CSMD1: variants seen among roughly 807,000 people sequenced by gnomAD.
The protein encoded by CSMD1 is CUB and Sushi multiple domains 1.
CSMD1 carries 213 observed loss-of-function variants against 417.5 expected under a neutral mutation model. The ratio of observed to expected loss-of-function variants is 0.51; its 90% confidence interval spans 0.46 to 0.57. The LOEUF (loss-of-function observed/expected upper bound fraction) is 0.57. Ranked by LOEUF, CSMD1 falls within the 20% of genes least tolerant of loss-of-function variation. The pLI, the probability that CSMD1 is intolerant of heterozygous loss-of-function variation, is 0.00. For synonymous variants in CSMD1, 2,862 were observed against 1,736.8 expected, an observed-to-expected ratio of 1.65 and a Z score of -16.11; for missense variants, 6,923 against 4,529.7, an observed-to-expected ratio of 1.53 and a Z score of -15.17.
chr8:4,803,860 T>C (rs1461118162), intron 1 of CSMD1, among the ~76,000 whole-genome samples: 1 of 152,188 alleles, frequency 6.6e-6, no homozygotes, highest in African/African-American at 2.4e-5. Context: ...TACATATTTT[T>C]TGTAAGAATT....
intron 5 of CSMD1, among the ~76,000 whole-genome samples, chr8:3,766,758 A>G (rs1798293667): frequency 6.6e-6 from 1 of 152,156 alleles, no homozygotes. Flanking sequence ...TTCTTTAGGA[A>G]TATCATTAAA....
chr8:3,819,511 G>C (rs995840926), intron 5 of CSMD1, among the ~76,000 whole-genome samples: 1 of 149,734 alleles, frequency 6.7e-6, no homozygotes, highest in Non-Finnish European at 1.5e-5. Context: ...GAATGCTGGA[G>C]CTCAAAAGCG....
intron 26 of CSMD1, among the ~76,000 whole-genome samples, chr8:3,268,044 G>C (rs1050394341): frequency 2.0e-5 from 3 of 152,046 alleles, no homozygotes; most frequent in Admixed American, 6.6e-5. Context: ...TATGAGGGAC[G>C]GGCCAATCTT....
rs1014119774 is a variant in CSMD1, at chr8:2,937,163, T to A, written c.*1422A>T. The A allele has an allele frequency of 2.0e-5, 3 of 152,214 alleles. No individual in the cohort carries two copies. The highest frequency in any genetic ancestry group is 4.4e-5 in the Non-Finnish European group (3 of 68,038). The allele number at this position is 152,214 out of a possible 1,614,324, so 9.4% of individuals were successfully genotyped here. A position where few individuals can be genotyped will look rare whatever the true frequency, so the allele number is the denominator to read the frequency against. On this transcript the variant is annotated 3_prime_UTR_variant, in exon 70 of 70. Coordinates refer to ENST00000635120, the MANE Select transcript of CSMD1 (RefSeq NM_033225.6). ...TATTTGCCCTGGGGATCTTATAGAT[T>A]TTATTTGCATCATAACTTATCATTT...
chr8:4,015,957 G>A (rs909090348), intron 4 of CSMD1, among the ~76,000 whole-genome samples: 1 of 152,186 alleles, frequency 6.6e-6, no homozygotes, highest in African/African-American at 2.4e-5. Context: ...CAAGAAGGTT[G>A]CCGTTGGAGG....
At chr8:3,221,277 G>T (rs1318441956) in intron 28 of CSMD1, among the ~76,000 whole-genome samples, 2 of 152,140 alleles carry the variant, frequency 1.3e-5, no homozygotes, top group Admixed American at 6.5e-5. Flanking sequence ...ATTTAGGAAG[G>T]TGTCTTAGTC....
intron 5 of CSMD1, among the ~76,000 whole-genome samples, chr8:3,914,293 T>C (rs1244813627): frequency 6.6e-6 from 1 of 152,104 alleles, no homozygotes; most frequent in East Asian, 1.9e-4. Context: ...GGGTCACAGG[T>C]AGCTCATGGT....
Position 3,929,266 on chromosome 8 carries a change from T to C in CSMD1, c.818+68637A>G, listed in dbSNP as rs1457428498. On this transcript the variant is annotated intron_variant, in intron 5 of 69. Transcript: ENST00000635120. ...TATACACATATGGACAGGATGATTT[T>C]CCCCCTACATTCCCTCAATGAGAAA... Among the ~76,000 whole-genome samples, 3 of 150,296 alleles carry C rather than the reference T, an allele frequency of 2.0e-5. 1 individual carries two copies. The highest frequency in any genetic ancestry group is 4.3e-4 in the South Asian group (2 of 4,654).
intron 48 of CSMD1, among the ~76,000 whole-genome samples, chr8:3,089,424 G>A (rs894453096): frequency 3.9e-5 from 6 of 152,194 alleles, no homozygotes; most frequent in Admixed American, 2.0e-4. Flanking sequence ...ACCACTGTTC[G>A]CAGGCATTTC....
chr8:4,492,876 A>AT (rs1801777821), intron 2 of CSMD1, among the ~76,000 whole-genome samples: 1 of 152,176 alleles, frequency 6.6e-6, no homozygotes, highest in Non-Finnish European at 1.5e-5. Context: ...TGAAAAATAC[A>AT]TTTTTCATTT....
At chr8:4,384,560 T>C (rs1242838454) in intron 3 of CSMD1, among the ~76,000 whole-genome samples, 1 of 152,208 alleles carries the variant, frequency 6.6e-6, no homozygotes, top group Non-Finnish European at 1.5e-5. Flanking sequence ...CCTGTATCAG[T>C]GCTGTAAGCA....
At chr8:4,814,557 C>A (rs971487558) in intron 1 of CSMD1, among the ~76,000 whole-genome samples, 1 of 151,938 alleles carries the variant, frequency 6.6e-6, no homozygotes, top group South Asian at 2.1e-4. Flanking sequence ...TAATTATAGC[C>A]CAGAATAATG....
intron 26 of CSMD1, among the ~76,000 whole-genome samples, chr8:3,244,276 C>T (rs376727182): frequency 2.2e-4 from 34 of 152,190 alleles, no homozygotes; most frequent in African/African-American, 6.5e-4. Flanking sequence ...CAGTAGCCTG[C>T]GAAGCTCCTT....
At chr8:3,613,385 G>C (rs1043461996) in intron 8 of CSMD1, 2 of 236,234 alleles carry the variant, frequency 8.5e-6, no homozygotes, top group African/African-American at 4.7e-5. Flanking sequence ...GTATTCCAGA[G>C]AAGAGAACAT....
At chr8:3,938,304 TTAAA>T (rs1810642455) in intron 5 of CSMD1, among the ~76,000 whole-genome samples, 1 of 152,160 alleles carries the variant, frequency 6.6e-6, no homozygotes, top group African/African-American at 2.4e-5. Flanking sequence ...CTGGAGTTCC[TTAAA>T]TAATTTGTGT....
At position 2,938,022 on chromosome 8, in the gene CSMD1, G is replaced by C. The variant is rs2128910719; in HGVS notation, c.*563C>G. ...AGATGAACACACAGGGGAGCTGTGA[G>C]GTCCTCAAAGCTTGTCAGGTCTCGG... On this transcript the variant is annotated 3_prime_UTR_variant, in exon 70 of 70. Coordinates refer to ENST00000635120, the MANE Select transcript of CSMD1 (RefSeq NM_033225.6). The C allele has an allele frequency of 6.5e-6, 1 of 152,790 alleles. No individual in the cohort carries two copies. Among genetic ancestry groups the C allele is most frequent in the African/African-American group, 2.4e-5 (1 of 41,572 alleles). The allele number at this position is 152,790 out of a possible 1,614,324, so 9.5% of individuals were successfully genotyped here. A position where few individuals can be genotyped will look rare whatever the true frequency, so the allele number is the denominator to read the frequency against.
At chr8:3,927,578 T>C (rs1018195398) in intron 5 of CSMD1, among the ~76,000 whole-genome samples, 1 of 149,516 alleles carries the variant, frequency 6.7e-6, no homozygotes, top group African/African-American at 2.4e-5. Context: ...GGCAGGAGAA[T>C]CGCTTGAAAC....
At chr8:4,185,280 G>C (rs549550603) in intron 3 of CSMD1, among the ~76,000 whole-genome samples, 2 of 152,124 alleles carry the variant, frequency 1.3e-5, no homozygotes, top group African/African-American at 4.8e-5. Context: ...ATGATCTTGG[G>C]CAAATTGTTT....
intron 41 of CSMD1, among the ~76,000 whole-genome samples, chr8:3,132,245 T>C (rs757602531): frequency 1.3e-5 from 2 of 152,206 alleles, no homozygotes; most frequent in African/African-American, 2.4e-5. Flanking sequence ...TAGTTTTCTA[T>C]TAAATTATGA....
Sources: gnomAD v4.1 joint callset for allele counts (sites outside exome capture counted in the v4.1 genomes callset) on GRCh38, gnomAD v4.1.1 for gene constraint, MANE v1.5 for transcripts, NCBI Gene and HGNC (gene_info 2026-07-23, HGNC 2026-07-21) for gene names.